Variants in SEMA6C observed in about 807,000 individuals in gnomAD.
SEMA6C encodes the protein semaphorin-6C.
A neutral mutation model predicts 72.9 loss-of-function variants in SEMA6C; 37 were observed. That is an observed-to-expected ratio of 0.51 (90% CI 0.39 to 0.67). SEMA6C has a LOEUF of 0.67. Ranked by LOEUF, SEMA6C falls within the 30% of genes least tolerant of loss-of-function variation. The probability of loss-of-function intolerance (pLI) is 0.00; values close to 1 mark genes in which losing one functional copy is unlikely to be tolerated. For synonymous variants in SEMA6C, 578 were observed against 554.1 expected (o/e 1.04, Z -0.61); for missense variants, 1,189 against 1,263.6 (o/e 0.94, Z 0.89).
At chr1:151,135,066 C>T in intron 15 of SEMA6C, 97 bp downstream of exon 15, 1 of 1,534,604 alleles carries the variant, frequency 6.5e-7, no homozygotes, top group Admixed American at 1.8e-5. Context: ...CACAGCCATC[C>T]CCTGTGTTTT....
chr1:151,138,381 T>A lies in SEMA6C; in HGVS notation c.482A>T (p.Glu161Val). Residue 161 changes from glutamate to valine, a missense_variant, in exon 8 of 19, where the codon GAG becomes GTG. Glu to Val is a moderately radical substitution (Grantham distance 121, BLOSUM62 -2). This residue lies in a region of SEMA6C where 468 missense variants were observed against 577.4 expected (regional missense o/e 0.81). Transcript: ENST00000368914. ...GCATCGAGCCTGCCCACTCAGTTCC[T>A]CACCCTCCTGCTGCAGCGAAGTTAT... ...YGITSLQQEG[E>V]ELSGQARCPF... 1 of 1,613,946 alleles carries A rather than the reference T, an allele frequency of 6.2e-7. No individual in the cohort carries two copies. The highest frequency in any genetic ancestry group is 8.5e-7 in the Non-Finnish European group (1 of 1,179,898).
Position 151,133,414 on chromosome 1 carries a change from A to AT in SEMA6C, c.1862_1863insA (p.Gly622TrpfsTer406). 3 of 1,594,408 alleles carry AT rather than the reference A, an allele frequency of 1.9e-6. No individual in the cohort carries two copies. The highest frequency in any genetic ancestry group is 2.6e-6 in the Non-Finnish European group (3 of 1,173,668). On this transcript the variant is annotated frameshift_variant, in exon 19 of 19. Transcript: ENST00000368914. LOFTEE classifies it low-confidence loss of function (END_TRUNC). The surrounding 1 kb of genome is among the most constrained non-coding windows in gnomAD (Gnocchi z 5.9). ...GACAAGCACAGGAGACCAGGAGGCC[A>AT]GAGACTGAGGCGCCCAGGGCAAAAG...
chr1:151,133,992 G>A lies in SEMA6C; in HGVS notation c.1759+409C>T. On this transcript the variant is annotated intron_variant, in intron 18 of 18. Coordinates refer to ENST00000368914, the MANE Select transcript of SEMA6C (RefSeq NM_030913.6). The surrounding 1 kb of genome is among the most constrained non-coding windows in gnomAD (Gnocchi z 5.9). ...GTGAACTCCAAGAGTGGAAGACTGG[G>A]GCCGGGGGTGGGCATCACTGGGAGG... The A allele has an allele frequency of 6.9e-7, 1 of 1,453,656 alleles. No individual in the cohort carries two copies. Among genetic ancestry groups the A allele is most frequent in the Non-Finnish European group, 9.4e-7 (1 of 1,062,066 alleles). 90.0% of individuals were successfully genotyped at this position (1,453,656 alleles called of 1,614,324 possible).
At chr1:151,141,235 TAG>T (rs1178790178) in intron 3 of SEMA6C, among the ~76,000 whole-genome samples, 1 of 152,014 alleles carries the variant, frequency 6.6e-6, no homozygotes, top group African/African-American at 2.4e-5. Context: ...GTACCAGTGG[TAG>T]AGAGGCGAGT....
In SEMA6C at chr1:151,132,545, G is replaced by A; in HGVS notation, c.2732C>T (p.Pro911Leu). 6.4e-7 allele frequency: 1 copy of A among 1,550,980 alleles called. No homozygotes were observed. Among genetic ancestry groups the A allele is most frequent in the Non-Finnish European group, 8.7e-7 (1 of 1,147,062 alleles). ...DVEKPQLSLK[P>L]PLVGPSSRQA... is the part of the protein sequence containing the mutation. ...GCGGGAGGAGGGCCCGACGAGGGGAGGCTTCAGGGACAACTGGGGCTTCTC... is the reference window on the plus strand; with the variant it reads ...GCGGGAGGAGGGCCCGACGAGGGGAAGCTTCAGGGACAACTGGGGCTTCTC... The change falls in exon 19 of 19, where the codon CCT (proline) becomes CTT (leucine). Residue 911 changes from proline (P) to leucine (L), a missense_variant. Transcript: ENST00000368914.
At chr1:151,135,426 G>A (rs189971459) in intron 14 of SEMA6C, 117 bp from the exon 15 acceptor site, 1 of 1,462,008 alleles carries the variant, frequency 6.8e-7, no homozygotes, top group African/African-American at 1.4e-5. Flanking sequence ...CCATGGAGCT[G>A]CCCCGCCCTA....
At position 151,132,879 on chromosome 1, in the gene SEMA6C, C is replaced by T. The variant is rs962658327; in HGVS notation, c.2398G>A (p.Ala800Thr). The change falls in exon 19 of 19, where the codon GCC becomes ACC. Residue 800 changes from alanine (A) to threonine (T), a missense_variant. By Grantham distance (58) the Ala-to-Thr change is moderately conservative. Around this residue, in one of 2 missense-constraint regions of SEMA6C, gnomAD observed 721 missense variants for 686.2 expected, o/e 1.05. Coordinates refer to ENST00000368914, the MANE Select transcript of SEMA6C (RefSeq NM_030913.6). ...CTGGGGCCGCCCAAGAGGGCGGGGG[C>T]GGGCTCCGGCGGGAGCGCCCGCGAG... is the stretch of plus-strand genomic sequence containing the variant. ...LTSRALPPEP[A>T]PALLGGPSPR... is the part of the protein sequence containing the mutation. The T allele has an allele frequency of 1.2e-5, 15 of 1,290,664 alleles. No homozygotes were observed. In the African/African-American group the frequency reaches 1.9e-4, roughly 17 times the overall value. The allele number at this position is 1,290,664 out of a possible 1,614,324, so 80.0% of individuals were successfully genotyped here.
At position 151,132,685 on chromosome 1, in the gene SEMA6C, G is replaced by A. The variant is rs1390594413; in HGVS notation, c.2592C>T (p.Leu864=). Residue 864 remains leucine (L), a synonymous_variant, in exon 19 of 19, where the codon CTC becomes CTT. Transcript: ENST00000368914. ...FSGHRAPPAL[L]TRVPSGGPSR... ...AGGGACCTCCCGAGGGGACTCGAGTGAGCAGGGCAGGGGGGGCCCGGTGGC... is the reference window on the plus strand; with the variant it reads ...AGGGACCTCCCGAGGGGACTCGAGTAAGCAGGGCAGGGGGGGCCCGGTGGC... The A allele has an allele frequency of 2.6e-6, 4 of 1,542,282 alleles. No homozygotes were observed. The East Asian group carries it at 9.8e-5, about 38-fold the overall frequency.
intron 7 of SEMA6C, 81 bp downstream of exon 7, chr1:151,138,549 C>A (rs1682256345): frequency 6.7e-7 from 1 of 1,491,564 alleles, no homozygotes; most frequent in Non-Finnish European, 9.3e-7. Context: ...AACCGCAGTC[C>A]TTGGTCCTTT....
chr1:151,133,253 T>C lies in SEMA6C; in HGVS notation c.2024A>G (p.Gln675Arg). 6.3e-7 allele frequency: 1 copy of C among 1,575,904 alleles called. No homozygotes were observed. The highest frequency in any genetic ancestry group is 8.6e-7 in the Non-Finnish European group (1 of 1,166,454). ...PPPSKDGDAV[Q>R]TPQLYTTFLP... ...GAAGGTGGTGTAGAGCTGCGGCGTC[T>C]GCACCGCGTCCCCGTCCTTGGAGGG... The change falls in exon 19 of 19, where the codon CAG (glutamine) becomes CGG (arginine). Residue 675 changes from glutamine (Q) to arginine (R), a missense_variant. Gln to Arg is a conservative substitution (Grantham distance 43). Around this residue, in one of 2 missense-constraint regions of SEMA6C, gnomAD observed 721 missense variants for 686.2 expected, o/e 1.05. Transcript: ENST00000368914. This position sits in a 1 kb window ranked among gnomAD's most constrained non-coding sequence, Gnocchi z 5.9.
intron 3 of SEMA6C, among the ~76,000 whole-genome samples, chr1:151,142,009 C>T (rs986303786): frequency 1.3e-5 from 2 of 151,234 alleles, no homozygotes; most frequent in African/African-American, 4.9e-5. Flanking sequence ...GGATTCAAAC[C>T]TGCTAAGGTT....
intron 2 of SEMA6C, 51 bp downstream of exon 2, chr1:151,144,334 C>G (rs1051161885): frequency 1.3e-5 from 2 of 152,886 alleles, no homozygotes; most frequent in Admixed American, 1.3e-4. Flanking sequence ...CTGCTCCCTG[C>G]TCATGCCTGC....
In SEMA6C at chr1:151,133,952, C is replaced by T. The variant is rs1329942826; in HGVS notation, c.1760-435G>A. On this transcript the variant is annotated intron_variant, in intron 18 of 18. Coordinates refer to ENST00000368914, the MANE Select transcript of SEMA6C (RefSeq NM_030913.6). This position sits in a 1 kb window ranked among gnomAD's most constrained non-coding sequence, Gnocchi z 5.9. ...TTCACTCCTATCTCTCCCAAGTAGC[C>T]CCCTTACCCCGAGTGTGAACTCCAA... The T allele has an allele frequency of 1.9e-6, 3 of 1,545,190 alleles. No individual in the cohort carries two copies. The highest frequency in any genetic ancestry group is 2.6e-6 in the Non-Finnish European group (3 of 1,142,400).
rs951301653 is a variant in SEMA6C at position 151,132,701 on chromosome 1, GC to G, written c.2575del (p.Ala859ProfsTer39). 11 of 1,493,084 alleles carry G rather than the reference GC, an allele frequency of 7.4e-6. No homozygotes were observed. Among genetic ancestry groups the G allele is most frequent in the Non-Finnish European group, 8.9e-6 (10 of 1,120,300 alleles). The allele number at this position is 1,493,084 out of a possible 1,614,324, so 92.5% of individuals were successfully genotyped here. A position where few individuals can be genotyped will look rare whatever the true frequency, so the allele number is the denominator to read the frequency against. On this transcript the variant is annotated frameshift_variant, in exon 19 of 19. Transcript: ENST00000368914. LOFTEE classifies it low-confidence loss of function (END_TRUNC). ...GACTCGAGTGAGCAGGGCAGGGGGG[GC>G]CCGGTGGCCGGAGAAAGGCAACCTC... ...GRRLPFSGHR[A>X]PPALLTRVPS... is the part of the protein sequence containing the mutation.
At position 151,136,131 on chromosome 1, in the gene SEMA6C, G is replaced by A; in HGVS notation, c.1139C>T (p.Ala380Val). The change falls in exon 13 of 19, where the codon GCC becomes GTC. Residue 380 changes from alanine (A) to valine (V), a missense_variant. Physicochemically the swap from Ala to Val is moderately conservative, Grantham distance 64. This residue lies in a region of SEMA6C where 468 missense variants were observed against 577.4 expected (regional missense o/e 0.81). Transcript: ENST00000368914. ...PGSCAGVGGA[A>V]LFSSSRDLPD... Reference sequence around the variant, plus strand: ...GAGGTCTCGGGAAGAGGAGAACAAGGCAGCTCCCCCTACTCCTGCACAGGA... The same window carrying A: ...GAGGTCTCGGGAAGAGGAGAACAAGACAGCTCCCCCTACTCCTGCACAGGA... The A allele has an allele frequency of 6.2e-7, 1 of 1,613,998 alleles. No homozygotes were observed. The highest frequency in any genetic ancestry group is 1.1e-5 in the South Asian group (1 of 91,074).
At chr1:151,136,397 G>A (rs1251183179) in intron 12 of SEMA6C, 51 bp downstream of exon 12, 1 of 1,595,030 alleles carries the variant, frequency 6.3e-7, no homozygotes, top group African/African-American at 1.4e-5. Context: ...CCATCTTGGG[G>A]GCAGACGCTG....
chr1:151,137,674 A>G, intron 10 of SEMA6C, 37 bp downstream of exon 10: 1 of 1,560,454 alleles, frequency 6.4e-7, no homozygotes, highest in South Asian at 1.1e-5. Flanking sequence ...ATCCAGCAGA[A>G]CCCTCCAGCT....
rs1295480207 is a variant in SEMA6C, at chr1:151,137,746, GGAA to G, written c.718_720del (p.Phe240del). The G allele has an allele frequency of 1.2e-5, 20 of 1,613,600 alleles. No individual in the cohort carries two copies. The highest frequency in any genetic ancestry group is 6.7e-5 in the East Asian group (3 of 44,882). On this transcript the variant is annotated inframe_deletion, in exon 10 of 19. Transcript: ENST00000368914. ...CGAGCATCCTCCACAGAGACCTCGCGGAAGAAGAAGTAGACATGGTCTCCATGC... is the reference window on the plus strand; with the variant it reads ...CGAGCATCCTCCACAGAGACCTCGCGGAAGAAGTAGACATGGTCTCCATGC...
intron 2 of SEMA6C, 40 bp from the exon 3 acceptor site, chr1:151,142,715 T>C (rs1012227764): frequency 9.6e-7 from 1 of 1,037,562 alleles, no homozygotes; most frequent in Non-Finnish European, 1.4e-6. Context: ...AGGAGCGAAG[T>C]TCCCTCTCCC....
Sources: gnomAD v4.1 joint callset for allele counts (sites outside exome capture counted in the v4.1 genomes callset) on GRCh38, gnomAD v4.1.1 for gene constraint, gnomAD v4.1.1 regional missense constraint, Gnocchi (gnomAD v3.1) non-coding constraint, MANE v1.5 for transcripts, NCBI Gene and HGNC (gene_info 2026-07-23, HGNC 2026-07-21) for gene names.